The following MGAT4C variants were observed in gnomAD, a reference collection of about 807,000 sequenced individuals.
MGAT4C encodes MGAT4 family member C, also known as alpha-1,3-mannosyl-glycoprotein 4-beta-N-acetylglucosaminyltransferase C.
MGAT4C carries 19 observed loss-of-function variants against 40.1 expected under a neutral mutation model. The observed-to-expected ratio is 0.47, with a 90% confidence interval of 0.33 to 0.70. The LOEUF (loss-of-function observed/expected upper bound fraction) is 0.70, where lower values mean the gene tolerates loss of function less well. Ranked by LOEUF, MGAT4C falls within the 30% of genes least tolerant of loss-of-function variation. The pLI, the probability that MGAT4C is intolerant of heterozygous loss-of-function variation, is 0.02. For synonymous variants in MGAT4C, 181 were observed against 187.1 expected (o/e 0.97, Z 0.27); for missense variants, 491 against 563.2 (o/e 0.87, Z 1.30).
chr12:85,999,206 G>C (rs1392092364), intron 2 of MGAT4C, among the ~76,000 whole-genome samples: 5 of 152,060 alleles, frequency 3.3e-5, no homozygotes, highest in Admixed American at 3.3e-4. Context: ...TGATTCCATT[G>C]CCTTTCACTG....
chr12:86,796,328 C>T (rs575324385), intron 1 of MGAT4C, among the ~76,000 whole-genome samples: 2 of 152,012 alleles, frequency 1.3e-5, no homozygotes, highest in East Asian at 3.9e-4. Flanking sequence ...GCTAGATGTA[C>T]AGTGGGAAAT....
intron 2 of MGAT4C, among the ~76,000 whole-genome samples, chr12:86,013,265 T>A (rs986576124): frequency 6.6e-6 from 1 of 152,204 alleles, no homozygotes; most frequent in Non-Finnish European, 1.5e-5. Context: ...CAAGTAATTT[T>A]TTTTTGGAGA....
Position 86,607,936 on chromosome 12 carries a change from G to A in MGAT4C, c.-229+119273C>T, listed in dbSNP as rs966556854. On this transcript the variant is annotated intron_variant, in intron 2 of 7. Coordinates refer to the MGAT4C transcript ENST00000548651. ...TTGATTAGTTGATTGATTGAGACAG[G>A]AATTCACTATGTTGCCAGGTCTTCC... 2.6e-5 allele frequency among the ~76,000 whole-genome samples: 4 copies of A among 152,034 alleles called. No homozygotes were observed. In the East Asian group the frequency reaches 5.8e-4, roughly 22 times the overall value.
intron 2 of MGAT4C, among the ~76,000 whole-genome samples, chr12:86,694,520 T>G (rs982709835): frequency 2.6e-5 from 4 of 152,132 alleles, no homozygotes; most frequent in African/African-American, 9.7e-5. Context: ...TTACTAGTAT[T>G]TATATAATTT....
intron 3 of MGAT4C, among the ~76,000 whole-genome samples, chr12:86,344,956 T>C (rs1342658640): frequency 6.6e-6 from 1 of 152,196 alleles, no homozygotes; most frequent in East Asian, 1.9e-4. Flanking sequence ...GTTAGCTTTG[T>C]ATTTTCTATA....
At chr12:86,573,215 T>C (rs1654748237) in intron 2 of MGAT4C, among the ~76,000 whole-genome samples, 1 of 152,028 alleles carries the variant, frequency 6.6e-6, no homozygotes, top group Admixed American at 6.6e-5. Context: ...ATTTTAGCCA[T>C]TTTAATATTT....
intron 1 of MGAT4C, among the ~76,000 whole-genome samples, chr12:86,055,186 C>A (rs1321150637): frequency 6.6e-6 from 1 of 151,926 alleles, no homozygotes. Context: ...TAAGCCTCAA[C>A]AAGGCTTGGG....
intron 2 of MGAT4C, among the ~76,000 whole-genome samples, chr12:86,657,343 C>G (rs1230647511): frequency 6.6e-6 from 1 of 151,458 alleles, no homozygotes; most frequent in Non-Finnish European, 1.5e-5. Flanking sequence ...GTCCTCATGA[C>G]CATAGGGAGA....
At chr12:86,067,308 C>T (rs1405905804) in intron 1 of MGAT4C, among the ~76,000 whole-genome samples, 1 of 152,148 alleles carries the variant, frequency 6.6e-6, no homozygotes, top group African/African-American at 2.4e-5. Context: ...GGAACCAACC[C>T]AAATGCCTAT....
At chr12:86,462,322 A>C (rs1046819231) in intron 2 of MGAT4C, among the ~76,000 whole-genome samples, 1 of 152,214 alleles carries the variant, frequency 6.6e-6, no homozygotes. Context: ...CTGAGCACTT[A>C]TTATTTTCAG....
chr12:86,232,154 AG>A (rs545623665), intron 1 of MGAT4C, among the ~76,000 whole-genome samples: 1 of 60,440 alleles, frequency 1.7e-5, no homozygotes, highest in African/African-American at 6.3e-5. Flanking sequence ...AAAAAAAAGG[AG>A]GGGGGCGGGT....
chr12:86,261,219 C>G (rs1472974669), upstream of MGAT4C, among the ~76,000 whole-genome samples: 1 of 152,046 alleles, frequency 6.6e-6, no homozygotes, highest in African/African-American at 2.4e-5. Flanking sequence ...TGAACCTCTG[C>G]AGCAGAACAT....
At chr12:86,172,806 T>C (rs925602992) in intron 1 of MGAT4C, among the ~76,000 whole-genome samples, 1 of 152,126 alleles carries the variant, frequency 6.6e-6, no homozygotes, top group African/African-American at 2.4e-5. Context: ...AGATCACTTC[T>C]AATGTTGCTG....
intron 2 of MGAT4C, among the ~76,000 whole-genome samples, chr12:86,679,955 G>A (rs1949949964): frequency 6.6e-6 from 1 of 151,952 alleles, no homozygotes; most frequent in Non-Finnish European, 1.5e-5. Context: ...ATGTTTCCTT[G>A]CCTTAGAGTA....
intron 1 of MGAT4C, among the ~76,000 whole-genome samples, chr12:86,125,708 G>C (rs1356224968): frequency 6.6e-6 from 1 of 151,944 alleles, no homozygotes; most frequent in Non-Finnish European, 1.5e-5. Flanking sequence ...TAATTGGAGA[G>C]GACAAAATAC....
chr12:86,197,088 A>G (rs1949844123), intron 1 of MGAT4C, among the ~76,000 whole-genome samples: 2 of 152,192 alleles, frequency 1.3e-5, no homozygotes, highest in South Asian at 2.1e-4. Context: ...ATCCAAGGAC[A>G]TCACTCATAT....
intron 2 of MGAT4C, among the ~76,000 whole-genome samples, chr12:86,647,657 C>T (rs530848703): frequency 6.6e-6 from 1 of 151,998 alleles, no homozygotes. Flanking sequence ...TCTTAGCTGG[C>T]TTACTGCCCC....
intron 1 of MGAT4C, among the ~76,000 whole-genome samples, chr12:86,178,864 C>T (rs924971577): frequency 2.0e-5 from 3 of 152,100 alleles, no homozygotes; most frequent in Non-Finnish European, 4.4e-5. Flanking sequence ...ACTTCTTGAC[C>T]AATGCCCCTC....
chr12:86,603,445 G>C, intron 2 of MGAT4C, among the ~76,000 whole-genome samples: 1 of 114,842 alleles, frequency 8.7e-6, no homozygotes, highest in Admixed American at 9.6e-5. Context: ...ACTATATATA[G>C]TCTATAGACT....
Sources: allele counts gnomAD v4.1 joint callset (sites outside exome capture counted in the v4.1 genomes callset), GRCh38; gene constraint gnomAD v4.1.1; transcripts MANE v1.5; gene names NCBI Gene and HGNC (gene_info 2026-07-23, HGNC 2026-07-21).